DLG2: variants seen among roughly 807,000 people sequenced by gnomAD.
The protein encoded by DLG2 is disks large homolog 2.
Under a neutral mutation model 132.5 loss-of-function variants are expected in DLG2, and 45 were observed. The observed-to-expected ratio is 0.34, with a 90% CI of 0.27 to 0.44. DLG2 has a LOEUF of 0.44. DLG2 is among the 20% of genes least tolerant of loss of function. The pLI is 1.00. For missense variants in DLG2, 1,045 were observed against 1,196.9 expected, an observed-to-expected ratio of 0.87 and a Z score of 1.87; for synonymous variants, 424 against 419.6, an observed-to-expected ratio of 1.01 and a Z score of -0.13.
intron 3 of DLG2, among the ~76,000 whole-genome samples, chr11:85,369,406 G>A (rs1164756322): frequency 6.6e-6 from 1 of 151,924 alleles, no homozygotes; most frequent in Non-Finnish European, 1.5e-5. Context: ...TTCTTCCCCA[G>A]GCATTTTTAA....
At chr11:85,195,466 C>T (rs1406549090) in intron 4 of DLG2, among the ~76,000 whole-genome samples, 1 of 151,524 alleles carries the variant, frequency 6.6e-6, no homozygotes, top group African/African-American at 2.4e-5. Flanking sequence ...CAAGTAGAAA[C>T]CTAGAATTGG....
intron 19 of DLG2, among the ~76,000 whole-genome samples, chr11:83,564,320 C>T (rs1242353060): frequency 6.6e-6 from 1 of 152,040 alleles, no homozygotes; most frequent in East Asian, 1.9e-4. Flanking sequence ...TAGACAGGAG[C>T]ACGATACAGT....
intron 15 of DLG2, among the ~76,000 whole-genome samples, chr11:83,908,763 TCTTA>T (rs2075507493): frequency 6.6e-6 from 1 of 151,286 alleles, no homozygotes; most frequent in African/African-American, 2.4e-5. Context: ...AGGGACAGGG[TCTTA>T]CTGTCACCGA....
chr11:85,499,244 T>TA (rs2093738681), intron 3 of DLG2, among the ~76,000 whole-genome samples: 2 of 151,298 alleles, frequency 1.3e-5, no homozygotes, highest in Admixed American at 6.6e-5. Context: ...ATAGACGCAA[T>TA]AAAAAATGAT....
At chr11:85,009,359 C>T (rs1341950977) in intron 6 of DLG2, among the ~76,000 whole-genome samples, 8 of 152,138 alleles carry the variant, frequency 5.3e-5, no homozygotes, top group African/African-American at 1.9e-4. Context: ...TAAATGGAAT[C>T]ATTTGATTGA....
chr11:85,191,144 G>A (rs897841887), intron 4 of DLG2, among the ~76,000 whole-genome samples: 1 of 137,240 alleles, frequency 7.3e-6, no homozygotes, highest in Non-Finnish European at 1.5e-5. Context: ...CTATATGCAT[G>A]CGCGCGCGCG....
At chr11:85,556,759 CCTCACAAT>C (rs1198293070) in intron 3 of DLG2, among the ~76,000 whole-genome samples, 1 of 151,732 alleles carries the variant, frequency 6.6e-6, no homozygotes. Flanking sequence ...CAGCAAAATG[CCTCACAAT>C]CTCACAGTAG....
At chr11:85,512,635 T>C (rs1351270609) in intron 3 of DLG2, among the ~76,000 whole-genome samples, 1 of 152,084 alleles carries the variant, frequency 6.6e-6, no homozygotes, top group Non-Finnish European at 1.5e-5. Flanking sequence ...GTGTGATACA[T>C]GTCATACTAA....
chr11:84,001,086 C>T (rs1001345417), intron 11 of DLG2, among the ~76,000 whole-genome samples: 10 of 151,924 alleles, frequency 6.6e-5, no homozygotes, highest in Non-Finnish European at 1.2e-4. Flanking sequence ...AACAAAACCT[C>T]ATATATTAAT....
intron 6 of DLG2, among the ~76,000 whole-genome samples, chr11:84,872,039 G>T (rs1366872237): frequency 1.3e-5 from 2 of 152,174 alleles, no homozygotes. Context: ...TCACTAACAA[G>T]TTTATATCCT....
At chr11:83,576,153 C>A (rs2096870417) in intron 19 of DLG2, among the ~76,000 whole-genome samples, 1 of 151,998 alleles carries the variant, frequency 6.6e-6, no homozygotes, top group Admixed American at 6.6e-5. Context: ...TAAACAATGC[C>A]TAAAATATTA....
intron 6 of DLG2, among the ~76,000 whole-genome samples, chr11:84,609,136 T>C (rs1162655595): frequency 6.6e-6 from 1 of 152,184 alleles, no homozygotes; most frequent in Non-Finnish European, 1.5e-5. Flanking sequence ...GGCAATGCAT[T>C]GGAGTGGTTT....
intron 6 of DLG2, among the ~76,000 whole-genome samples, chr11:85,066,292 T>C (rs2064908825): frequency 6.6e-6 from 1 of 151,480 alleles, no homozygotes; most frequent in African/African-American, 2.4e-5. Flanking sequence ...GTAGTGAAAT[T>C]AAATTAGCAA....
chr11:84,699,091 A>G (rs1455631733), intron 6 of DLG2, among the ~76,000 whole-genome samples: 1 of 151,464 alleles, frequency 6.6e-6, no homozygotes, highest in East Asian at 2.0e-4. Context: ...TTTGCCCAGT[A>G]TTCAAAATCC....
chr11:85,442,776 G>T (rs1425212545), intron 3 of DLG2, among the ~76,000 whole-genome samples: 1 of 152,092 alleles, frequency 6.6e-6, no homozygotes, highest in East Asian at 1.9e-4. Context: ...CAGCTATTCA[G>T]GAAGCTGAGG....
chr11:83,646,200 C>T (rs970511783), intron 18 of DLG2, among the ~76,000 whole-genome samples: 1 of 152,142 alleles, frequency 6.6e-6, no homozygotes, highest in Non-Finnish European at 1.5e-5. Context: ...GTGAAAAGAA[C>T]ACCTTTCAGA....
chr11:85,530,423 C>T (rs779481667), intron 3 of DLG2, among the ~76,000 whole-genome samples: 3 of 151,788 alleles, frequency 2.0e-5, no homozygotes, highest in African/African-American at 2.4e-5. Flanking sequence ...CAGGTTCAAG[C>T]GATTCTCCTG....
intron 4 of DLG2, among the ~76,000 whole-genome samples, chr11:85,160,952 T>C (rs2077982098): frequency 1.3e-5 from 2 of 152,322 alleles, no homozygotes; most frequent in South Asian, 4.1e-4. Context: ...TGTACCTCGT[T>C]CCACACTTTG....
At position 84,334,703 on chromosome 11, in the gene DLG2, G is replaced by T. The variant is rs1425922500; in HGVS notation, c.520-83412C>A. Among the ~76,000 whole-genome samples, 4 of 152,120 alleles carry T rather than the reference G, an allele frequency of 2.6e-5. No homozygotes were observed. In the East Asian group the frequency reaches 5.8e-4, roughly 22 times the overall value. On this transcript the variant is annotated intron_variant, in intron 7 of 27. Coordinates refer to ENST00000376104, the MANE Select transcript of DLG2 (RefSeq NM_001142699.3). ...TACAGCATTGTATCAGCTAGATATT[G>T]TCCCTGCCCTGATGGTGATTTCAGA...
Sources: gnomAD v4.1 joint callset for allele counts (sites outside exome capture counted in the v4.1 genomes callset) on GRCh38, gnomAD v4.1.1 for gene constraint, MANE v1.5 for transcripts, NCBI Gene and HGNC (gene_info 2026-07-23, HGNC 2026-07-21) for gene names.